The following FGF12 variants were observed in gnomAD, a reference collection of about 807,000 sequenced individuals.
FGF12 encodes fibroblast growth factor 12.
FGF12 carries 14 observed loss-of-function variants against 23.6 expected under a neutral mutation model. The ratio of observed to expected loss-of-function variants is 0.59; its 90% confidence interval spans 0.39 to 0.93. The LOEUF (loss-of-function observed/expected upper bound fraction) is 0.93. Among genes scored for constraint, FGF12 ranks in the 40% least tolerant of loss-of-function variants. The pLI is 0.00. For missense variants in FGF12, 175 were observed against 217.8 expected (o/e 0.80, Z 1.24); for synonymous variants, 62 against 77.3 (o/e 0.80, Z 1.04).
intron 5 of FGF12, among the ~76,000 whole-genome samples, chr3:192,159,117 A>G (rs147544913): frequency 6.6e-6 from 1 of 152,326 alleles, no homozygotes; most frequent in East Asian, 1.9e-4. Flanking sequence ...TTTTTATAGC[A>G]GCAGTTCTCA....
chr3:192,209,710 CA>C (rs1239135451), intron 4 of FGF12, among the ~76,000 whole-genome samples: 2 of 152,170 alleles, frequency 1.3e-5, no homozygotes, highest in Admixed American at 6.5e-5. Flanking sequence ...TCTGTGACCA[CA>C]TTTAATCTTT....
intron 2 of FGF12, among the ~76,000 whole-genome samples, chr3:192,677,719 A>T (rs1207014970): frequency 6.6e-6 from 1 of 152,152 alleles, no homozygotes; most frequent in Non-Finnish European, 1.5e-5. Flanking sequence ...AAGCTGCCCC[A>T]CCCAGAGACA....
chr3:192,391,321 C>T (rs1720284382), intron 2 of FGF12, among the ~76,000 whole-genome samples: 1 of 152,128 alleles, frequency 6.6e-6, no homozygotes, highest in Admixed American at 6.5e-5. Flanking sequence ...GTTCAGATGA[C>T]GTCTAGACCA....
rs955980555 is a variant in FGF12 at position 192,142,988 on chromosome 3, A to G, written c.*1021T>C. 6.6e-6 allele frequency: 1 copy of G among 152,096 alleles called. No individual in the cohort carries two copies. The highest frequency in any genetic ancestry group is 1.5e-5 in the Non-Finnish European group (1 of 67,966). The allele number at this position is 152,096 out of a possible 1,614,324, so 9.4% of individuals were successfully genotyped here. ...CTAATTTCCTAGGACTTATTTCCTT[A>G]TGTAAAACCCCTGTTCTTTCTTTCC... On this transcript the variant is annotated 3_prime_UTR_variant, in exon 6 of 6. Transcript: ENST00000445105.
intron 2 of FGF12, among the ~76,000 whole-genome samples, chr3:192,620,217 T>C (rs1714919696): frequency 6.6e-6 from 1 of 150,560 alleles, no homozygotes; most frequent in Non-Finnish European, 1.5e-5. Context: ...GTGATTCAGT[T>C]TAACAAGATC....
At chr3:192,221,967 G>C (rs1250100456) in intron 4 of FGF12, among the ~76,000 whole-genome samples, 1 of 152,174 alleles carries the variant, frequency 6.6e-6, no homozygotes, top group Non-Finnish European at 1.5e-5. Flanking sequence ...ATTTGATAGA[G>C]ATTTGCCTTA....
chr3:192,646,513 T>C (rs1199208138), intron 2 of FGF12, among the ~76,000 whole-genome samples: 2 of 152,148 alleles, frequency 1.3e-5, no homozygotes, highest in East Asian at 3.8e-4. Flanking sequence ...AATAGCCATA[T>C]AAGAGAATAC....
intron 2 of FGF12, among the ~76,000 whole-genome samples, chr3:192,418,358 A>G (rs1172598742): frequency 6.6e-6 from 1 of 152,164 alleles, no homozygotes; most frequent in Non-Finnish European, 1.5e-5. Flanking sequence ...CACTCGTTCA[A>G]CACAGACTAT....
intron 2 of FGF12, among the ~76,000 whole-genome samples, chr3:192,468,783 CCT>C (rs557054791): frequency 4.1e-4 from 62 of 152,236 alleles, no homozygotes; most frequent in African/African-American, 9.9e-4. Context: ...AAAACTTCCC[CCT>C]GATTTTAGCC....
chr3:192,253,732 T>G (rs1425581363), intron 4 of FGF12, among the ~76,000 whole-genome samples: 1 of 152,054 alleles, frequency 6.6e-6, no homozygotes, highest in Non-Finnish European at 1.5e-5. Flanking sequence ...ACTCTCGGCA[T>G]AAAAAGATGC....
intron 2 of FGF12, among the ~76,000 whole-genome samples, chr3:192,564,224 C>G (rs150099962): frequency 6.6e-6 from 1 of 151,950 alleles, no homozygotes; most frequent in Non-Finnish European, 1.5e-5. Context: ...CCACCATGCC[C>G]GGCTAATTTG....
At chr3:192,259,148 T>A (rs1056215738) in intron 4 of FGF12, among the ~76,000 whole-genome samples, 3 of 152,176 alleles carry the variant, frequency 2.0e-5, no homozygotes, top group Admixed American at 6.6e-5. Context: ...TCATCCTTTT[T>A]CAAGGTCATG....
intron 2 of FGF12, among the ~76,000 whole-genome samples, chr3:192,492,752 T>C (rs753597631): frequency 2.0e-5 from 3 of 152,026 alleles, no homozygotes; most frequent in Non-Finnish European, 4.4e-5. Flanking sequence ...TGCAAGAATT[T>C]CTAGTTTTGG....
intron 4 of FGF12, among the ~76,000 whole-genome samples, chr3:192,192,466 T>A (rs935384642): frequency 6.8e-6 from 1 of 147,906 alleles, no homozygotes; most frequent in Non-Finnish European, 1.5e-5. Flanking sequence ...ATATTACATA[T>A]AATAAATATA....
intron 5 of FGF12, among the ~76,000 whole-genome samples, chr3:192,149,423 C>A (rs573348842): frequency 7.2e-6 from 1 of 139,742 alleles, no homozygotes; most frequent in African/African-American, 2.7e-5. Flanking sequence ...ACTAACTCGT[C>A]ATCTAGCATT....
At chr3:192,559,974 A>G (rs1218634184) in intron 2 of FGF12, among the ~76,000 whole-genome samples, 2 of 152,146 alleles carry the variant, frequency 1.3e-5, no homozygotes, top group Admixed American at 6.5e-5. Context: ...AATGTTCAAG[A>G]TTCATTCATG....
intron 2 of FGF12, among the ~76,000 whole-genome samples, chr3:192,378,044 T>A (rs746900725): frequency 1.1e-5 from 1 of 94,856 alleles, no homozygotes. Flanking sequence ...CTTTCTTTCT[T>A]TCTTTCTTTC....
At chr3:192,558,623 C>A (rs73887632) in intron 2 of FGF12, among the ~76,000 whole-genome samples, 304 of 151,742 alleles carry the variant, frequency 2.0e-3, no homozygotes, top group African/African-American at 7.0e-3. Flanking sequence ...ACAACAACAA[C>A]AACAAAACAC....
At chr3:192,325,490 TTC>T (rs147933643) in intron 4 of FGF12, among the ~76,000 whole-genome samples, 2 of 151,598 alleles carry the variant, frequency 1.3e-5, no homozygotes, top group African/African-American at 2.4e-5. Flanking sequence ...AGGTTCTTGT[TTC>T]TCTCTCTCTC....
Sources: gnomAD v4.1 joint callset for allele counts (sites outside exome capture counted in the v4.1 genomes callset) on GRCh38, gnomAD v4.1.1 for gene constraint, MANE v1.5 for transcripts, NCBI Gene and HGNC (gene_info 2026-07-23, HGNC 2026-07-21) for gene names.